Variants in ZNF717 observed in about 807,000 individuals in gnomAD.
The protein encoded by ZNF717 is krueppel-like factor X17.
In ZNF717, 9 loss-of-function variants were observed where a neutral mutation model predicts 13.8. That is an observed-to-expected ratio of 0.65 (90% CI 0.39 to 1.14). The LOEUF is 1.14. Among genes scored for constraint, ZNF717 ranks in the 50% most tolerant of loss-of-function variants. The pLI, the probability that ZNF717 is intolerant of heterozygous loss-of-function variation, is 0.01. For synonymous variants in ZNF717, 327 were observed against 364.1 expected, an observed-to-expected ratio of 0.90 and a Z score of 1.16; for missense variants, 1,040 against 1,080.7, an observed-to-expected ratio of 0.96 and a Z score of 0.53.
intron 4 of ZNF717, among the ~76,000 whole-genome samples, chr3:75,721,323 C>A (rs1368888866): frequency 1.3e-5 from 2 of 152,198 alleles, no homozygotes; most frequent in South Asian, 2.1e-4. Flanking sequence ...GCTCTGTCAC[C>A]CAGACTGGAT....
chr3:75,720,374 T>G (rs1938144439), intron 4 of ZNF717, among the ~76,000 whole-genome samples: 1 of 152,184 alleles, frequency 6.6e-6, no homozygotes, highest in South Asian at 2.1e-4. Context: ...CCCAAGCAAC[T>G]TAATGCAGAA....
rs75933393 is a variant in ZNF717, at chr3:75,736,869, G to A, written c.*9C>T. 6 of 1,538,222 alleles carry A rather than the reference G, an allele frequency of 3.9e-6. No individual in the cohort carries two copies. The East Asian group carries it at 1.5e-4, about 38-fold the overall frequency. On this transcript the variant is annotated 3_prime_UTR_variant, in exon 5 of 5. Coordinates refer to ENST00000652011, the MANE Select transcript of ZNF717 (RefSeq NM_001290208.3). ...TGTAATAGTAGCCAGAGAGGTGTAG[G>A]TTGTGTGTTCAAGGGAAAAAAGAGT...
At chr3:75,726,374 G>T (rs1304660691), downstream of ZNF717, among the ~76,000 whole-genome samples, 1 of 152,256 alleles carries the variant, frequency 6.6e-6, no homozygotes, top group Non-Finnish European at 1.5e-5. Flanking sequence ...TGTAATTCCA[G>T]CACTTTGGGA....
intron 4 of ZNF717, among the ~76,000 whole-genome samples, chr3:75,740,884 T>C (rs1473082061): frequency 6.6e-6 from 1 of 152,158 alleles, no homozygotes; most frequent in African/African-American, 2.4e-5. Context: ...AACACCATTT[T>C]CATCATCGTT....
At chr3:75,709,007 C>T (rs77170800), downstream of ZNF717, among the ~76,000 whole-genome samples, 2 of 143,096 alleles carry the variant, frequency 1.4e-5, no homozygotes, top group African/African-American at 2.6e-5. Flanking sequence ...TTTTTCTTTT[C>T]TTTTTTTTTT....
At chr3:75,764,857 C>T (rs1272658242) in intron 2 of ZNF717, among the ~76,000 whole-genome samples, 2 of 152,076 alleles carry the variant, frequency 1.3e-5, no homozygotes, top group South Asian at 2.1e-4. Context: ...CATCCAACTT[C>T]TACAGAGAGA....
chr3:75,698,503 C>G (rs1937629139), intron 6 of ZNF717, among the ~76,000 whole-genome samples: 1 of 152,308 alleles, frequency 6.6e-6, no homozygotes, highest in Admixed American at 6.5e-5. Flanking sequence ...CTGGCCACTG[C>G]TTCAGCTCCA....
At chr3:75,761,505 A>G (rs1189719534) in intron 2 of ZNF717, among the ~76,000 whole-genome samples, 1 of 152,254 alleles carries the variant, frequency 6.6e-6, no homozygotes, top group Non-Finnish European at 1.5e-5. Flanking sequence ...TCTATTCACC[A>G]CAGTACTGGA....
At chr3:75,734,846 A>ACG (rs377534285), downstream of ZNF717, among the ~76,000 whole-genome samples, 1 of 103,304 alleles carries the variant, frequency 9.7e-6, no homozygotes, top group South Asian at 3.5e-4. Flanking sequence ...TTTTTTTGAG[A>ACG]GAGTCTTGCT....
chr3:75,738,284 CTG>C lies in ZNF717; in HGVS notation c.1337_1338del (p.Thr446ArgfsTer6). On this transcript the variant is annotated frameshift_variant, in exon 5 of 5. Transcript: ENST00000652011. LOFTEE classifies it low-confidence loss of function (END_TRUNC). ...TCATTACATTCATACGGTTTTTCCC[CTG>C]TGTGTGTTCTCTGATGGACAGTAAG... ...SRLTVHQRTHTGEKPYECNEC... is the reference protein window; with the variant it reads ...SRLTVHQRTHXGEKPYECNEC... 6.5e-7 allele frequency: 1 copy of C among 1,548,872 alleles called. No homozygotes were observed. Among genetic ancestry groups the C allele is most frequent in the Non-Finnish European group, 8.7e-7 (1 of 1,145,304 alleles).
chr3:75,722,594 C>A (rs1487147129), intron 4 of ZNF717, among the ~76,000 whole-genome samples: 1 of 151,884 alleles, frequency 6.6e-6, no homozygotes, highest in African/African-American at 2.4e-5. Context: ...GCGGGCGGAT[C>A]ACTTGAGGTC....
rs3009006 is a variant in ZNF717, at chr3:75,738,859, A to C, written c.764T>G (p.Val255Gly). Residue 255 changes from valine to glycine, a missense_variant, in exon 5 of 5, where the codon GTG becomes GGG. Val to Gly is a moderately radical substitution (Grantham distance 109). Coordinates refer to ENST00000652011, the MANE Select transcript of ZNF717 (RefSeq NM_001290208.3). ...AGTTGGCTGTCCTACCTGAGTTATC[A>C]CTTGGACAATAACAGCTGAGTTATT... ...ACNNSAVIVQ[V>G]ITQVGQPTCC... 0.85 allele frequency: 1,296,410 copies of C among 1,531,530 alleles called. 537,719 individuals are homozygous for C. The highest frequency in any genetic ancestry group is 0.91 in the Middle Eastern group (5,461 of 5,972). The allele number at this position is 1,531,530 out of a possible 1,614,324, so 94.9% of individuals were successfully genotyped here.
chr3:75,756,864 C>T (rs372400389), intron 2 of ZNF717, among the ~76,000 whole-genome samples: 1 of 152,082 alleles, frequency 6.6e-6, no homozygotes, highest in African/African-American at 2.4e-5. Flanking sequence ...TTAGTAGAGA[C>T]GGGGTTTCTC....
chr3:75,750,299 G>A (rs1407473075), intron 2 of ZNF717, among the ~76,000 whole-genome samples: 1 of 148,990 alleles, frequency 6.7e-6, no homozygotes, highest in African/African-American at 2.6e-5. Flanking sequence ...TGCTATGAGG[G>A]TCTGAATGTT....
At chr3:75,703,586 C>A (rs1343264092) in intron 6 of ZNF717, among the ~76,000 whole-genome samples, 4 of 152,006 alleles carry the variant, frequency 2.6e-5, no homozygotes, top group Admixed American at 2.0e-4. Flanking sequence ...GTGTTTCAAA[C>A]AAAATTTCTT....
chr3:75,770,374 A>T (rs1403627301), intron 2 of ZNF717, among the ~76,000 whole-genome samples: 1 of 152,154 alleles, frequency 6.6e-6, no homozygotes, highest in Non-Finnish European at 1.5e-5. Flanking sequence ...CACCCTGATC[A>T]AAACAGAGAA....
Position 75,738,365 on chromosome 3 carries a change from C to T in ZNF717, c.1258G>A (p.Glu420Lys). The change falls in exon 5 of 5, where the codon GAA becomes AAA. Residue 420 changes from glutamate to lysine, a missense_variant. Physicochemically the swap from Glu to Lys is moderately conservative, Grantham distance 56 (BLOSUM62 1). This residue lies in a region of ZNF717 where 873 missense variants were observed against 832.8 expected (regional missense o/e 1.05). Coordinates refer to ENST00000652011, the MANE Select transcript of ZNF717 (RefSeq NM_001290208.3). Reference protein sequence around the residue: ...LTIHHRTHTGEKPYACDHCEE... With the variant: ...LTIHHRTHTGKKPYACDHCEE... The stretch of plus-strand genomic sequence containing the variant: ...CAATGGTCACATGCATAGGGCTTTT[C>T]CCCTGTGTGAGTTCTATGATGTATT... 3 of 1,541,966 alleles carry T rather than the reference C, an allele frequency of 1.9e-6. No homozygotes were observed. The highest frequency in any genetic ancestry group is 2.6e-6 in the Non-Finnish European group (3 of 1,140,388).
intron 4 of ZNF717, chr3:75,716,689 TAA>T (rs1938062652): frequency 6.6e-6 from 1 of 151,764 alleles, no homozygotes; most frequent in Non-Finnish European, 1.5e-5. Context: ...AGTGAAAAAA[TAA>T]AGTCAGCAAG....
intron 5 of ZNF717, among the ~76,000 whole-genome samples, chr3:75,715,928 T>G (rs1366458228): frequency 9.2e-5 from 14 of 152,134 alleles, no homozygotes; most frequent in African/African-American, 3.1e-4. Context: ...AAACCTAGCA[T>G]GCCTTAATGT....
Sources: allele counts gnomAD v4.1 joint callset (sites outside exome capture counted in the v4.1 genomes callset), GRCh38; gene constraint gnomAD v4.1.1; regional missense constraint gnomAD v4.1.1; transcripts MANE v1.5; gene names NCBI Gene and HGNC (gene_info 2026-07-23, HGNC 2026-07-21).